Variants in SIK3 observed in about 807,000 individuals in gnomAD.
The protein encoded by SIK3 is SIK family kinase 3, also known as serine/threonine-protein kinase SIK3.
SIK3 carries 28 observed loss-of-function variants against 144.2 expected under a neutral mutation model. The ratio of observed to expected loss-of-function variants is 0.19; its 90% confidence interval spans 0.14 to 0.27. SIK3 has a LOEUF of 0.27. Ranked by LOEUF, SIK3 falls within the 10% of genes least tolerant of loss-of-function variation. The pLI, the probability that SIK3 is intolerant of heterozygous loss-of-function variation, is 1.00. For missense variants in SIK3, 1,319 were observed against 1,776.0 expected, an observed-to-expected ratio of 0.74 and a Z score of 4.62; for synonymous variants, 686 against 676.3, an observed-to-expected ratio of 1.01 and a Z score of -0.22.
chr11:117,068,900 A>T, intron 1 of SIK3, among the ~76,000 whole-genome samples: 1 of 152,082 alleles, frequency 6.6e-6, no homozygotes, highest in Non-Finnish European at 1.5e-5. Context: ...TTTAAATCTT[A>T]TTTCTTCACC....
intron 1 of SIK3, among the ~76,000 whole-genome samples, chr11:117,081,098 T>C (rs193126412): frequency 2.0e-5 from 3 of 152,168 alleles, no homozygotes; most frequent in African/African-American, 7.2e-5. Context: ...GTTGGAGATA[T>C]ACTATTAAAT....
intron 4 of SIK3, among the ~76,000 whole-genome samples, chr11:116,919,393 T>C (rs73592256): frequency 0.02 from 3,026 of 152,302 alleles, 106 homozygotes; most frequent in African/African-American, 0.068. Context: ...TTCCAGGATA[T>C]TGGCCTTTCT....
In SIK3 at chr11:116,847,622, T is replaced by G. The variant is rs766509330; in HGVS notation, c.3820-14A>C. 21 of 1,613,960 alleles carry G rather than the reference T, an allele frequency of 1.3e-5. No individual in the cohort carries two copies. The South Asian group carries it at 2.1e-4, about 16-fold the overall frequency. Reference sequence around the variant, plus strand: ...ATCCAGCTGTACCTGCAGAAAACAGTTAAGAGAAGAAATAAGCACACAAGA... The same window carrying G: ...ATCCAGCTGTACCTGCAGAAAACAGGTAAGAGAAGAAATAAGCACACAAGA... On this transcript the variant is annotated splice_polypyrimidine_tract_variant and intron_variant, in intron 22 of 24. Coordinates refer to ENST00000445177, the MANE Select transcript of SIK3 (RefSeq NM_001366686.3).
At chr11:116,881,426 T>C (rs1471888005) in intron 6 of SIK3, among the ~76,000 whole-genome samples, 1 of 152,226 alleles carries the variant, frequency 6.6e-6, no homozygotes, top group African/African-American at 2.4e-5. Context: ...CCTGCTGCGC[T>C]GCCAGGCATT....
At chr11:117,025,959 A>T (rs1193449541) in intron 1 of SIK3, among the ~76,000 whole-genome samples, 1 of 152,092 alleles carries the variant, frequency 6.6e-6, no homozygotes, top group African/African-American at 2.4e-5. Flanking sequence ...TTTGGGTTTT[A>T]TACTAACCAT....
At chr11:116,963,970 A>T (rs952453294) in intron 1 of SIK3, among the ~76,000 whole-genome samples, 2 of 152,256 alleles carry the variant, frequency 1.3e-5, no homozygotes, top group African/African-American at 4.8e-5. Flanking sequence ...AATGGCCATG[A>T]TTAATAACGT....
At chr11:116,999,002 G>T (rs987657238) in intron 1 of SIK3, among the ~76,000 whole-genome samples, 1 of 152,154 alleles carries the variant, frequency 6.6e-6, no homozygotes, top group Non-Finnish European at 1.5e-5. Context: ...AATACAGGTA[G>T]CCTCAAGAAC....
rs549999991 is a variant in SIK3, at chr11:116,850,780, G to A, written c.3656-1497C>T. On this transcript the variant is annotated intron_variant, in intron 21 of 24. Transcript: ENST00000445177. ...TCCCAGCATTTTGGGAGGCCGGGGC[G>A]GGTGGATCACCTGAGGTCAGGAGTT... Among the ~76,000 whole-genome samples the A allele has an allele frequency of 1.3e-4, 20 of 152,284 alleles. No homozygotes were observed. The East Asian group carries it at 3.5e-3, about 26-fold the overall frequency.
At chr11:117,034,621 T>C (rs1952412408) in intron 1 of SIK3, among the ~76,000 whole-genome samples, 1 of 152,152 alleles carries the variant, frequency 6.6e-6, no homozygotes, top group Admixed American at 6.5e-5. Flanking sequence ...CTAAATGTAG[T>C]AATGTATAAG....
intron 1 of SIK3, among the ~76,000 whole-genome samples, chr11:117,091,398 G>A (rs964567401): frequency 2.0e-5 from 3 of 151,758 alleles, no homozygotes; most frequent in East Asian, 1.9e-4. Context: ...TAAAAACAGG[G>A]TTTCGCCATG....
At chr11:116,884,927 A>G (rs1944737100) in intron 6 of SIK3, among the ~76,000 whole-genome samples, 1 of 152,248 alleles carries the variant, frequency 6.6e-6, no homozygotes, top group Admixed American at 6.5e-5. Flanking sequence ...CTAAGAAAAA[A>G]CTGTCATGTT....
chr11:116,893,491 AC>A (rs1159211790), intron 6 of SIK3, among the ~76,000 whole-genome samples: 1 of 151,662 alleles, frequency 6.6e-6, no homozygotes, highest in Non-Finnish European at 1.5e-5. Context: ...AGCCTGGACA[AC>A]ATGGCAAAAC....
chr11:117,038,702 T>C (rs1208975576), intron 1 of SIK3, among the ~76,000 whole-genome samples: 1 of 146,660 alleles, frequency 6.8e-6, no homozygotes, highest in Non-Finnish European at 1.5e-5. Flanking sequence ...TTACCTTTGT[T>C]AATAATCACT....
intron 4 of SIK3, among the ~76,000 whole-genome samples, chr11:116,925,434 G>A (rs1403188483): frequency 6.6e-6 from 1 of 152,172 alleles, no homozygotes; most frequent in East Asian, 1.9e-4. Context: ...AAAGAATGCA[G>A]GTGACCTTTA....
intron 6 of SIK3, among the ~76,000 whole-genome samples, chr11:116,879,627 T>C (rs1944448164): frequency 6.6e-6 from 1 of 152,198 alleles, no homozygotes. Flanking sequence ...CTAAGATAAA[T>C]TACTCTTATT....
At chr11:116,969,542 TAGATCAAGTTGGCATTTTTTGAAACTAAG>T (rs201227770) in intron 1 of SIK3, among the ~76,000 whole-genome samples, 24,384 of 151,724 alleles carry the variant, frequency 0.16, 2,089 homozygotes, top group Admixed American at 0.21. Context: ...GGTTTCTTGA[TAGATCAAGTTGGCATTTTTTGAAACTAAG>T]AGATCAAGTT....
rs777606782 is a variant in SIK3, at chr11:116,876,310, A to T, written c.1038T>A (p.Asn346Lys). The T allele has an allele frequency of 6.2e-7, 1 of 1,614,250 alleles. No homozygotes were observed. Among genetic ancestry groups the T allele is most frequent in the South Asian group, 1.1e-5 (1 of 91,084 alleles). Residue 346 changes from asparagine to lysine, a missense_variant, in exon 8 of 25, where the codon AAT (asparagine) becomes AAA (lysine). This residue lies in a region of SIK3 where 109 missense variants were observed against 109.3 expected (regional missense o/e 1.00). Coordinates refer to ENST00000445177, the MANE Select transcript of SIK3 (RefSeq NM_001366686.3). ...CCTCCATGGCCAAGAGGACATCCTC[A>T]TTCAGGGGGTCCACCTGTCTTTCTT... is the stretch of plus-strand genomic sequence containing the variant. ...LKEERQVDPL[N>K]EDVLLAMEDM... is the part of the protein sequence containing the mutation.
In SIK3 at chr11:117,074,244, C is replaced by G. The variant is rs557642470; in HGVS notation, c.273+23899G>C. Reference sequence around the variant, plus strand: ...GATGTCCAGTTCCACTTACTCCTAGCAAACAGGATCCCAATTTCTAGAATG... The same window carrying G: ...GATGTCCAGTTCCACTTACTCCTAGGAAACAGGATCCCAATTTCTAGAATG... On this transcript the variant is annotated intron_variant, in intron 1 of 24. Transcript: ENST00000445177. Among the ~76,000 whole-genome samples, 252 of 152,298 alleles carry G rather than the reference C, an allele frequency of 1.7e-3. 2 individuals carry two copies. The highest frequency in any genetic ancestry group is 5.6e-3 in the African/African-American group (234 of 41,554).
At chr11:116,991,895 T>C (rs1325788442) in intron 1 of SIK3, among the ~76,000 whole-genome samples, 2 of 152,178 alleles carry the variant, frequency 1.3e-5, no homozygotes, top group Non-Finnish European at 2.9e-5. Flanking sequence ...CTTGCTTTTA[T>C]GGCAGGTTTT....
Sources: gnomAD v4.1 joint callset for allele counts (sites outside exome capture counted in the v4.1 genomes callset) on GRCh38, gnomAD v4.1.1 for gene constraint, gnomAD v4.1.1 regional missense constraint, MANE v1.5 for transcripts, NCBI Gene and HGNC (gene_info 2026-07-23, HGNC 2026-07-21) for gene names.